The following ZCCHC4 variants were observed in gnomAD, a reference collection of about 807,000 sequenced individuals.
ZCCHC4 encodes rRNA N(6)-adenosine-methyltransferase ZCCHC4.
A neutral mutation model predicts 67.7 loss-of-function variants in ZCCHC4; 54 were observed. The ratio of observed to expected loss-of-function variants is 0.80; its 90% CI spans 0.64 to 1.00. The LOEUF (loss-of-function observed/expected upper bound fraction) is 1.00. ZCCHC4 is among the 50% of genes least tolerant of loss of function. The probability of loss-of-function intolerance (pLI) is 0.00; values close to 1 mark genes in which losing one functional copy is unlikely to be tolerated. For missense variants in ZCCHC4, 609 were observed against 617.0 expected (o/e 0.99, Z 0.14); for synonymous variants, 198 against 213.5 (o/e 0.93, Z 0.63).
chr4:25,330,091 A>G (rs1351127034), intron 3 of ZCCHC4, among the ~76,000 whole-genome samples: 1 of 152,076 alleles, frequency 6.6e-6, no homozygotes, highest in Non-Finnish European at 1.5e-5. Context: ...CCTGTGTTCA[A>G]GTGATTCTCC....
At chr4:25,366,475 C>T (rs1159105459) in intron 12 of ZCCHC4, among the ~76,000 whole-genome samples, 2 of 152,032 alleles carry the variant, frequency 1.3e-5, no homozygotes, top group African/African-American at 4.8e-5. Flanking sequence ...GCCACCATGC[C>T]CGGCTTACTT....
At chr4:25,343,774 A>G (rs1237008977) in intron 5 of ZCCHC4, among the ~76,000 whole-genome samples, 1 of 152,236 alleles carries the variant, frequency 6.6e-6, no homozygotes, top group Non-Finnish European at 1.5e-5. Context: ...AATATTCACC[A>G]TGGATGCTCA....
At chr4:25,336,493 A>G (rs73254150) in intron 5 of ZCCHC4, among the ~76,000 whole-genome samples, 6,173 of 152,006 alleles carry the variant, frequency 0.041, 145 homozygotes, top group African/African-American at 0.063. Flanking sequence ...GGATATTTTT[A>G]TTTGTTTGTT....
In ZCCHC4 at chr4:25,349,599, A is replaced by G. The variant is rs555138069; in HGVS notation, c.867A>G (p.Thr289=). 6.2e-7 allele frequency: 1 copy of G among 1,614,032 alleles called. No individual in the cohort carries two copies. Among genetic ancestry groups the G allele is most frequent in the Admixed American group, 1.7e-5 (1 of 60,006 alleles). ...GCTTGGTTGAACCTCTGGCTATTAC[A>G]TTCAAGAAGTTAATTGCTATGTGGA... The part of the protein sequence containing the change: ...FGGLVEPLAI[T]FKKLIAMWKE... Residue 289 remains threonine, a synonymous_variant, in exon 7 of 13, where the codon ACA becomes ACG. Transcript: ENST00000302874.
intron 5 of ZCCHC4, among the ~76,000 whole-genome samples, chr4:25,344,004 G>T (rs1444563586): frequency 2.0e-5 from 3 of 152,048 alleles, no homozygotes; most frequent in East Asian, 1.9e-4. Flanking sequence ...TAACAAAAAG[G>T]TTTCTATATT....
intron 8 of ZCCHC4, 118 bp from the exon 9 acceptor site, chr4:25,361,723 ACTGGAACCTGACACTTGG>A: frequency 1.1e-6 from 1 of 883,418 alleles, no homozygotes; most frequent in African/African-American, 1.7e-5. Context: ...CTCAGCTTGG[ACTGGAACCTGACACTTGG>A]CATGACAAAT....
At chr4:25,335,065 C>T (rs1185435369) in intron 5 of ZCCHC4, among the ~76,000 whole-genome samples, 1 of 152,136 alleles carries the variant, frequency 6.6e-6, no homozygotes. Flanking sequence ...AAGCAGTCCT[C>T]CTGCCTTGGC....
chr4:25,361,885 T>C lies in ZCCHC4; in HGVS notation c.1038T>C (p.Tyr346=), dbSNP rs1720753399. Residue 346 remains tyrosine, a synonymous_variant, in exon 9 of 13, where the codon TAT becomes TAC. Transcript: ENST00000302874. The stretch of plus-strand genomic sequence containing the variant: ...TAGATTATGATAATCATGCACTTTA[T>C]AAACACGGAAAGACAGGTCGAAAAC... ...YQVDYDNHAL[Y]KHGKTGRKQS... The C allele has an allele frequency of 1.2e-6, 2 of 1,613,328 alleles. No homozygotes were observed.
rs956522096 is a variant in ZCCHC4, at chr4:25,369,943, A to G, written c.*779A>G. On this transcript the variant is annotated 3_prime_UTR_variant, in exon 13 of 13. Transcript: ENST00000302874. ...AAGTATAGCGTACAATTATTTTTAG[A>G]CTGAATTTGAAGATGATGGAAAGGG... 8 of 152,168 alleles carry G rather than the reference A, an allele frequency of 5.3e-5. No homozygotes were observed. 9.4% of individuals were successfully genotyped at this position (152,168 alleles called of 1,614,324 possible).
chr4:25,348,973 A>T (rs1461584187), intron 6 of ZCCHC4, among the ~76,000 whole-genome samples: 1 of 152,146 alleles, frequency 6.6e-6, no homozygotes, highest in Non-Finnish European at 1.5e-5. Context: ...TTTTTTATTT[A>T]CTTACAGTGC....
At chr4:25,313,882 A>T (rs1452905348) in intron 1 of ZCCHC4, among the ~76,000 whole-genome samples, 164 bp from the exon 2 acceptor site, 1 of 152,138 alleles carries the variant, frequency 6.6e-6, no homozygotes, top group Non-Finnish European at 1.5e-5. Flanking sequence ...CAAAACAAAA[A>T]ACCCTAACAA....
rs74657038 is a variant in ZCCHC4, at chr4:25,360,039, G to A, written c.1012-1820G>A. On this transcript the variant is annotated intron_variant, in intron 8 of 12. Coordinates refer to ENST00000302874, the MANE Select transcript of ZCCHC4 (RefSeq NM_024936.3). ...TTGATGGACCACTTGATGGAACTAG[G>A]ACAGTATCACTATATAGTGGACTTG... 0.014 allele frequency among the ~76,000 whole-genome samples: 2,152 copies of A among 152,320 alleles called. 94 individuals carry two copies. The East Asian group carries it at 0.15, about 11-fold the overall frequency.
chr4:25,348,115 A>G (rs1240786574), intron 6 of ZCCHC4, among the ~76,000 whole-genome samples: 2 of 152,162 alleles, frequency 1.3e-5, no homozygotes, highest in Non-Finnish European at 2.9e-5. Flanking sequence ...TTTCAATATC[A>G]TCATCTGTGC....
intron 12 of ZCCHC4, chr4:25,365,750 A>C (rs1438511645): frequency 2.0e-6 from 2 of 985,408 alleles, no homozygotes; most frequent in Non-Finnish European, 2.4e-6. Flanking sequence ...TACAACTCAG[A>C]GTATGGGGAT....
At chr4:25,314,015 C>CTT (rs61227153) in intron 1 of ZCCHC4, 31 bp from the exon 2 acceptor site, 93,396 of 999,590 alleles carry the variant, frequency 0.093, 1,520 homozygotes, top group Middle Eastern at 0.1. Flanking sequence ...TTACTTGACA[C>CTT]TTTTTTTTTT....
At chr4:25,341,125 C>A (rs1719739662) in intron 5 of ZCCHC4, among the ~76,000 whole-genome samples, 2 of 152,072 alleles carry the variant, frequency 1.3e-5, no homozygotes, top group African/African-American at 2.4e-5. Flanking sequence ...ATAACATTTT[C>A]TTTTCTCTAG....
chr4:25,319,781 G>A (rs1378808223), intron 3 of ZCCHC4, among the ~76,000 whole-genome samples: 1 of 151,966 alleles, frequency 6.6e-6, no homozygotes, highest in Non-Finnish European at 1.5e-5. Flanking sequence ...GCTTGAGAGT[G>A]TAATTATTTT....
intron 3 of ZCCHC4, among the ~76,000 whole-genome samples, chr4:25,328,583 G>T (rs1719013145): frequency 6.7e-6 from 1 of 150,364 alleles, no homozygotes; most frequent in Non-Finnish European, 1.5e-5. Context: ...ATCATTGCTT[G>T]TTTTTTTGTT....
At chr4:25,360,521 G>T (rs1208394031) in intron 8 of ZCCHC4, among the ~76,000 whole-genome samples, 2 of 152,206 alleles carry the variant, frequency 1.3e-5, no homozygotes, top group Admixed American at 1.3e-4. Context: ...AGCATGGCAG[G>T]ACAGGCTACA....
Sources: allele counts gnomAD v4.1 joint callset (sites outside exome capture counted in the v4.1 genomes callset), GRCh38; gene constraint gnomAD v4.1.1; transcripts MANE v1.5; gene names NCBI Gene and HGNC (gene_info 2026-07-23, HGNC 2026-07-21).